TTC29: variants seen among roughly 807,000 people sequenced by gnomAD.
TTC29 encodes tetratricopeptide repeat protein 29.
TTC29 carries 49 observed loss-of-function variants against 58.1 expected under a neutral mutation model. The observed-to-expected ratio is 0.84, with a 90% CI of 0.67 to 1.07. The LOEUF is 1.07. TTC29 is among the 50% of genes least tolerant of loss of function. The probability of loss-of-function intolerance (pLI) is 0.00; values close to 1 mark genes in which losing one functional copy is unlikely to be tolerated. For missense variants in TTC29, 582 were observed against 555.6 expected (o/e 1.05, Z -0.48); for synonymous variants, 209 against 196.8 (o/e 1.06, Z -0.52).
At chr4:146,719,409 A>G (rs1743193343) in intron 11 of TTC29, among the ~76,000 whole-genome samples, 1 of 152,190 alleles carries the variant, frequency 6.6e-6, no homozygotes, top group Non-Finnish European at 1.5e-5. Context: ...TGGAGATTCA[A>G]ATCCAGGTTA....
intron 11 of TTC29, among the ~76,000 whole-genome samples, chr4:146,778,993 A>AG (rs1748350512): frequency 2.4e-5 from 3 of 126,878 alleles, no homozygotes; most frequent in East Asian, 2.3e-4. Context: ...AAAAAAAAAA[A>AG]AAAAAAAAAA....
At chr4:146,936,858 T>C (rs1304581245) in intron 4 of TTC29, among the ~76,000 whole-genome samples, 1 of 152,112 alleles carries the variant, frequency 6.6e-6, no homozygotes, top group Admixed American at 6.5e-5. Flanking sequence ...AATATTTTAA[T>C]TGAAACAATT....
At chr4:146,884,898 G>A (rs1487628409) in intron 6 of TTC29, among the ~76,000 whole-genome samples, 1 of 151,840 alleles carries the variant, frequency 6.6e-6, no homozygotes, top group South Asian at 2.1e-4. Flanking sequence ...ACATAAAGGA[G>A]GCTTTATTGT....
rs557332238 is a variant in TTC29 at position 146,885,811 on chromosome 4, A to T, written c.587-10883T>A. Reference sequence around the variant, plus strand: ...CAAAACCATTTAAATGATTCACATCATCATGAGCAGCAATACACATGTGTT... The same window carrying T: ...CAAAACCATTTAAATGATTCACATCTTCATGAGCAGCAATACACATGTGTT... On this transcript the variant is annotated intron_variant, in intron 6 of 12. Coordinates refer to ENST00000325106, the MANE Select transcript of TTC29 (RefSeq NM_031956.4). 8.5e-5 allele frequency among the ~76,000 whole-genome samples: 13 copies of T among 152,262 alleles called. No individual in the cohort carries two copies. In the South Asian group the frequency reaches 2.1e-3, roughly 24 times the overall value.
At chr4:146,742,579 TCCTTCCTTCCCTCCCTTCCTTCCCTC>T (rs200263068) in intron 11 of TTC29, among the ~76,000 whole-genome samples, 18 of 133,198 alleles carry the variant, frequency 1.4e-4, no homozygotes, top group South Asian at 7.7e-4. Context: ...CTCACCCACT[TCCTTCCTTCCCTCCCTTCCTTCCCTC>T]CCTTCCTTCC....
intron 9 of TTC29, among the ~76,000 whole-genome samples, chr4:146,832,316 G>A (rs1213592926): frequency 6.6e-6 from 1 of 152,066 alleles, no homozygotes; most frequent in African/African-American, 2.4e-5. Flanking sequence ...TCAACCACCT[G>A]TGTCTTCTGG....
intron 11 of TTC29, among the ~76,000 whole-genome samples, chr4:146,754,709 A>G (rs903069229): frequency 6.6e-5 from 10 of 152,194 alleles, no homozygotes; most frequent in African/African-American, 2.2e-4. Context: ...AGCATTTGAC[A>G]AAGTTTAACA....
chr4:146,763,512 A>T (rs531935722), intron 11 of TTC29, among the ~76,000 whole-genome samples: 45 of 152,154 alleles, frequency 3.0e-4, no homozygotes, highest in African/African-American at 9.4e-4. Flanking sequence ...AAATGACTGG[A>T]AGTTTAAGTA....
At chr4:146,913,825 T>C (rs1468503899) in intron 4 of TTC29, among the ~76,000 whole-genome samples, 3 of 152,140 alleles carry the variant, frequency 2.0e-5, no homozygotes, top group Non-Finnish European at 4.4e-5. Flanking sequence ...TCAGAAGGGG[T>C]TGGACAATCA....
chr4:146,833,981 TAATA>T, intron 8 of TTC29, 84 bp from the exon 9 acceptor site: 2 of 933,462 alleles, frequency 2.1e-6, no homozygotes, highest in Non-Finnish European at 1.5e-6. Flanking sequence ...AAAATAAAAT[TAATA>T]GTTGGTTTTA....
Position 146,743,159 on chromosome 4 carries a change from T to A in TTC29, c.1331-35608A>T, listed in dbSNP as rs188944683. Among the ~76,000 whole-genome samples the A allele has an allele frequency of 4.7e-3, 710 of 152,184 alleles. 4 individuals are homozygous for A. Among genetic ancestry groups the A allele is most frequent in the Non-Finnish European group, 5.6e-3 (379 of 68,000 alleles). The stretch of plus-strand genomic sequence containing the variant: ...AACATTCTCGGTGACACACTTTTTT[T>A]AAAAAGAAAATATGCAAGAAACCTT... On this transcript the variant is annotated intron_variant, in intron 11 of 12. Transcript: ENST00000325106.
At chr4:146,852,588 T>C (rs1283742636) in intron 8 of TTC29, among the ~76,000 whole-genome samples, 1 of 152,214 alleles carries the variant, frequency 6.6e-6, no homozygotes, top group East Asian at 1.9e-4. Context: ...CCTTTACTCT[T>C]GCTGCTCCTG....
intron 10 of TTC29, chr4:146,812,663 T>C (rs1480483709): frequency 3.9e-5 from 6 of 152,202 alleles, no homozygotes; most frequent in Admixed American, 3.3e-4. Flanking sequence ...TAAATAGATA[T>C]AAACCTACCA....
intron 2 of TTC29, among the ~76,000 whole-genome samples, chr4:146,943,613 G>T (rs925531708): frequency 6.6e-6 from 1 of 152,130 alleles, no homozygotes. Context: ...GCCACATAAG[G>T]TATTTTGTTT....
chr4:146,943,736 TC>T (rs1736651560), intron 2 of TTC29, among the ~76,000 whole-genome samples: 1 of 152,250 alleles, frequency 6.6e-6, no homozygotes, highest in African/African-American at 2.4e-5. Flanking sequence ...GTAATTGCCA[TC>T]TTTTATGCCT....
intron 11 of TTC29, among the ~76,000 whole-genome samples, chr4:146,756,935 C>A (rs1383035096): frequency 6.6e-6 from 1 of 152,012 alleles, no homozygotes; most frequent in Non-Finnish European, 1.5e-5. Context: ...CCTTTCACTT[C>A]TTGTATTATT....
intron 11 of TTC29, among the ~76,000 whole-genome samples, chr4:146,783,732 G>A (rs576831203): frequency 1.3e-5 from 2 of 151,514 alleles, no homozygotes; most frequent in South Asian, 2.1e-4. Flanking sequence ...AGTGTGAAGA[G>A]GTAGCCTCTT....
At chr4:146,799,592 A>G (rs77649634) in intron 11 of TTC29, among the ~76,000 whole-genome samples, 151 of 152,330 alleles carry the variant, frequency 9.9e-4, no homozygotes, top group African/African-American at 3.6e-3. Context: ...AAACCTTTAC[A>G]TGCCATTTTG....
intron 11 of TTC29, among the ~76,000 whole-genome samples, chr4:146,730,560 G>A (rs1744251889): frequency 6.6e-6 from 1 of 152,158 alleles, no homozygotes; most frequent in East Asian, 1.9e-4. Context: ...TAACAGTTAA[G>A]GTTCAAGCAA....
Sources: gnomAD v4.1 joint callset for allele counts (sites outside exome capture counted in the v4.1 genomes callset) on GRCh38, gnomAD v4.1.1 for gene constraint, MANE v1.5 for transcripts, NCBI Gene and HGNC (gene_info 2026-07-23, HGNC 2026-07-21) for gene names.